The following SMAP1 variants were observed in gnomAD, a reference collection of about 807,000 sequenced individuals.
SMAP1 encodes the protein small ArfGAP 1.
In SMAP1, 24 loss-of-function variants were observed where a neutral mutation model predicts 58.5. That is an observed-to-expected ratio of 0.41 (90% CI 0.30 to 0.58). SMAP1 has a LOEUF of 0.58. Ranked by LOEUF, SMAP1 falls within the 20% of genes least tolerant of loss-of-function variation. SMAP1 has a pLI of 0.29. For synonymous variants in SMAP1, 216 were observed against 196.6 expected (o/e 1.10, Z -0.82); for missense variants, 563 against 566.3 (o/e 0.99, Z 0.06).
intron 1 of SMAP1, among the ~76,000 whole-genome samples, chr6:70,726,623 A>C (rs1416797492): frequency 1.3e-5 from 2 of 152,178 alleles, no homozygotes; most frequent in Admixed American, 1.3e-4. Context: ...ACTGAAGAGA[A>C]ATTTCTTCTC....
At chr6:70,795,118 TG>T (rs1364830027) in intron 5 of SMAP1, among the ~76,000 whole-genome samples, 2 of 152,230 alleles carry the variant, frequency 1.3e-5, no homozygotes, top group Non-Finnish European at 2.9e-5. Context: ...TAAACATAGA[TG>T]TGCTGCATGT....
intron 3 of SMAP1, among the ~76,000 whole-genome samples, chr6:70,760,062 G>A (rs1399222271): frequency 2.0e-5 from 3 of 151,956 alleles, no homozygotes; most frequent in Admixed American, 6.6e-5. Context: ...CTCCTGTATC[G>A]GGACACTTGA....
chr6:70,774,748 G>A (rs897249544), intron 4 of SMAP1, among the ~76,000 whole-genome samples: 5 of 149,330 alleles, frequency 3.3e-5, no homozygotes, highest in African/African-American at 1.2e-4. Flanking sequence ...TTTTTTTTTC[G>A]ACTGGGCATG....
chr6:70,855,111 CCAACAGTACCTAG>C (rs1771356173), intron 8 of SMAP1, among the ~76,000 whole-genome samples: 2 of 151,240 alleles, frequency 1.3e-5, no homozygotes, highest in African/African-American at 2.4e-5. Flanking sequence ...TATACATATA[CCAACAGTACCTAG>C]ACATACACAA....
intron 2 of SMAP1, among the ~76,000 whole-genome samples, chr6:70,753,084 C>T (rs968694936): frequency 7.3e-5 from 11 of 151,446 alleles, no homozygotes; most frequent in Non-Finnish European, 1.6e-4. Context: ...TAATGAGCTA[C>T]ATTAAATAGA....
intron 1 of SMAP1, among the ~76,000 whole-genome samples, chr6:70,729,525 T>A (rs1375634070): frequency 6.7e-6 from 1 of 149,458 alleles, no homozygotes; most frequent in East Asian, 2.0e-4. Flanking sequence ...TGAACTTTAG[T>A]CCTATATTCT....
At chr6:70,721,170 T>C (rs1768509605) in intron 1 of SMAP1, among the ~76,000 whole-genome samples, 1 of 152,198 alleles carries the variant, frequency 6.6e-6, no homozygotes, top group African/African-American at 2.4e-5. Context: ...GCAAAGTTTT[T>C]TCCAAACTTT....
intron 4 of SMAP1, among the ~76,000 whole-genome samples, chr6:70,785,962 A>T (rs1383522414): frequency 6.7e-6 from 1 of 149,328 alleles, no homozygotes; most frequent in African/African-American, 2.4e-5. Context: ...TGAGGCCAGC[A>T]TCATCCTGAT....
At chr6:70,741,760 G>T (rs888021436) in intron 2 of SMAP1, among the ~76,000 whole-genome samples, 1 of 152,154 alleles carries the variant, frequency 6.6e-6, no homozygotes, top group Non-Finnish European at 1.5e-5. Flanking sequence ...CTCCATGAGG[G>T]CCCCACCCCT....
At chr6:70,849,933 T>C (rs1449825887) in intron 7 of SMAP1, among the ~76,000 whole-genome samples, 1 of 152,212 alleles carries the variant, frequency 6.6e-6, no homozygotes, top group Non-Finnish European at 1.5e-5. Context: ...ACTTTGCTCC[T>C]GCTCTGTGAC....
intron 3 of SMAP1, among the ~76,000 whole-genome samples, chr6:70,761,285 T>C (rs954200724): frequency 3.3e-5 from 5 of 152,068 alleles, no homozygotes; most frequent in Admixed American, 6.6e-5. Context: ...GCTTTATAAC[T>C]GTAGGCATGG....
intron 1 of SMAP1, among the ~76,000 whole-genome samples, chr6:70,699,472 G>A (rs906094482): frequency 2.0e-5 from 3 of 152,074 alleles, no homozygotes; most frequent in Admixed American, 1.3e-4. Context: ...GGCCTGGCTT[G>A]TATCCTCCCT....
rs577641117 is a variant in SMAP1, at chr6:70,702,934, A to G, written c.119-29444A>G. Among the ~76,000 whole-genome samples the G allele has an allele frequency of 2.5e-4, 38 of 152,224 alleles. No individual in the cohort carries two copies. In the South Asian group the frequency reaches 7.7e-3, roughly 31 times the overall value. ...GGCATGAGCCACTGTGCCTGTCCCC[A>G]TGTTCAGTCTTTCTTATAGCTTCTT... On this transcript the variant is annotated intron_variant, in intron 1 of 10. Transcript: ENST00000370455.
intron 2 of SMAP1, among the ~76,000 whole-genome samples, chr6:70,750,993 A>C (rs1267703203): frequency 6.6e-6 from 1 of 152,196 alleles, no homozygotes; most frequent in Non-Finnish European, 1.5e-5. Context: ...TAATCCCAGC[A>C]CTTTGGGAGG....
In SMAP1 at chr6:70,735,368, T is replaced by C. The variant is rs554974231; in HGVS notation, c.252+2857T>C. ...TGCTATACATTAAAATGTCTGTCTT[T>C]TTGGAGGCTGTTCCTATTAACTTTG... On this transcript the variant is annotated intron_variant, in intron 2 of 10. Coordinates refer to ENST00000370455, the MANE Select transcript of SMAP1 (RefSeq NM_001044305.3). Among the ~76,000 whole-genome samples the C allele has an allele frequency of 3.3e-5, 5 of 152,332 alleles. No homozygotes were observed. The South Asian group carries it at 1.0e-3, about 32-fold the overall frequency.
intron 2 of SMAP1, among the ~76,000 whole-genome samples, chr6:70,744,161 T>C (rs943180543): frequency 2.5e-4 from 37 of 146,898 alleles, no homozygotes; most frequent in African/African-American, 9.2e-4. Context: ...GATTTTCATT[T>C]AACTCCTAAT....
intron 4 of SMAP1, among the ~76,000 whole-genome samples, chr6:70,789,896 G>A (rs920034530): frequency 1.5e-4 from 23 of 152,024 alleles, no homozygotes; most frequent in African/African-American, 5.1e-4. Flanking sequence ...GATACTTATT[G>A]AATGGAATTT....
At chr6:70,711,931 G>A (rs1205537721) in intron 1 of SMAP1, among the ~76,000 whole-genome samples, 1 of 152,252 alleles carries the variant, frequency 6.6e-6, no homozygotes, top group East Asian at 1.9e-4. Flanking sequence ...TATGTCTTTT[G>A]TAGGATTGCT....
chr6:70,838,626 C>T (rs1356205269), intron 7 of SMAP1, among the ~76,000 whole-genome samples: 2 of 151,912 alleles, frequency 1.3e-5, no homozygotes, highest in African/African-American at 4.8e-5. Flanking sequence ...ACAGCAGATG[C>T]AAAGGCTCTT....
Sources: allele counts gnomAD v4.1 joint callset (sites outside exome capture counted in the v4.1 genomes callset), GRCh38; gene constraint gnomAD v4.1.1; transcripts MANE v1.5; gene names NCBI Gene and HGNC (gene_info 2026-07-23, HGNC 2026-07-21).